ZFYVE9: variants seen among roughly 807,000 people sequenced by gnomAD.
ZFYVE9 encodes the protein zinc finger FYVE-type containing 9, also known as zinc finger FYVE domain-containing protein 9.
Under a neutral mutation model 126.7 loss-of-function variants are expected in ZFYVE9, and 43 were observed. The ratio of observed to expected loss-of-function variants is 0.34; its 90% confidence interval spans 0.27 to 0.44. The LOEUF (loss-of-function observed/expected upper bound fraction) is 0.44. ZFYVE9 is among the 20% of genes least tolerant of loss of function. The probability of loss-of-function intolerance (pLI) is 1.00; values close to 1 mark genes in which losing one functional copy is unlikely to be tolerated. For missense variants in ZFYVE9, 1,476 were observed against 1,697.0 expected (o/e 0.87, Z 2.29); for synonymous variants, 521 against 597.4 (o/e 0.87, Z 1.87).
At chr1:52,155,273 G>A (rs991731313) in intron 1 of ZFYVE9, among the ~76,000 whole-genome samples, 11 of 136,004 alleles carry the variant, frequency 8.1e-5, no homozygotes, top group African/African-American at 3.1e-4. Flanking sequence ...TCTCGCTGTC[G>A]CCCAGGCTGG....
intron 1 of ZFYVE9, among the ~76,000 whole-genome samples, chr1:52,157,084 G>A (rs558305594): frequency 4.1e-4 from 63 of 152,128 alleles, no homozygotes; most frequent in African/African-American, 5.3e-4. Context: ...CGCCTGCCTC[G>A]GCCTCCGAAA....
intron 10 of ZFYVE9, among the ~76,000 whole-genome samples, chr1:52,285,672 A>G (rs1297048021): frequency 6.6e-6 from 1 of 152,146 alleles, no homozygotes; most frequent in Non-Finnish European, 1.5e-5. Context: ...GATCCCACTG[A>G]TTCTACATTA....
chr1:52,307,436 C>G (rs1208022575), intron 13 of ZFYVE9, among the ~76,000 whole-genome samples: 2 of 152,066 alleles, frequency 1.3e-5, no homozygotes, highest in East Asian at 3.9e-4. Context: ...AGGATTTCAC[C>G]CTGTTGGCCA....
chr1:52,334,822 A>G, intron 15 of ZFYVE9, 54 bp downstream of exon 15: 1 of 1,557,222 alleles, frequency 6.4e-7, no homozygotes, highest in Non-Finnish European at 8.8e-7. Context: ...ATGTACATAA[A>G]GGGAATCCTT....
intron 7 of ZFYVE9, among the ~76,000 whole-genome samples, chr1:52,272,671 A>ATT (rs1645704660): frequency 7.4e-6 from 1 of 134,850 alleles, no homozygotes; most frequent in African/African-American, 3.3e-5. Flanking sequence ...GCTAGAAATA[A>ATT]TCTTTTTTTT....
intron 9 of ZFYVE9, among the ~76,000 whole-genome samples, chr1:52,279,188 A>G (rs1361300046): frequency 6.6e-6 from 1 of 152,164 alleles, no homozygotes; most frequent in East Asian, 1.9e-4. Context: ...AGCCAAACAA[A>G]TCTTGAACTT....
In ZFYVE9 at chr1:52,238,950, C is replaced by G. The variant is rs781113510; in HGVS notation, c.1533C>G (p.Ser511Arg). Reference sequence around the variant, plus strand: ...CAGAAGAAAAAGAAATAGAGGAAAGCAAGTCAGAATGCTACTCAAATATTT... The same window carrying G: ...CAGAAGAAAAAGAAATAGAGGAAAGGAAGTCAGAATGCTACTCAAATATTT... ...SVTEEKEIEE[S>R]KSECYSNIYE... is the part of the protein sequence containing the mutation. Residue 511 changes from serine (S) to arginine (R), a missense_variant, in exon 4 of 19, where the codon AGC becomes AGG. Ser to Arg is a moderately radical substitution (Grantham distance 110). Transcript: ENST00000287727. The G allele has an allele frequency of 1.2e-6, 2 of 1,613,990 alleles. No homozygotes were observed. Among genetic ancestry groups the G allele is most frequent in the Non-Finnish European group, 1.7e-6 (2 of 1,179,986 alleles).
At chr1:52,250,354 G>T (rs1645432120) in intron 4 of ZFYVE9, among the ~76,000 whole-genome samples, 1 of 151,922 alleles carries the variant, frequency 6.6e-6, no homozygotes, top group Non-Finnish European at 1.5e-5. Context: ...TTAATTTCTA[G>T]GTATTTTATT....
chr1:52,262,135 A>G lies in ZFYVE9; in HGVS notation c.2179-1638A>G, dbSNP rs535445950. Among the ~76,000 whole-genome samples the G allele has an allele frequency of 5.9e-5, 9 of 152,326 alleles. No individual in the cohort carries two copies. In the South Asian group the frequency reaches 1.9e-3, roughly 32 times the overall value. On this transcript the variant is annotated intron_variant, in intron 4 of 18. Transcript: ENST00000287727. ...AGATCAAGGCAACGGTAGATTTGGT[A>G]TCTGGCGAGGGCCTGCTTACTTATA...
intron 2 of ZFYVE9, among the ~76,000 whole-genome samples, chr1:52,226,362 C>G (rs12090323): frequency 0.036 from 5,546 of 152,096 alleles, 253 homozygotes; most frequent in African/African-American, 0.11. Context: ...GTGGTGAAAC[C>G]CCATCTCTAC....
intron 4 of ZFYVE9, among the ~76,000 whole-genome samples, chr1:52,245,648 A>G (rs1027353216): frequency 6.6e-6 from 1 of 152,224 alleles, no homozygotes; most frequent in African/African-American, 2.4e-5. Context: ...TTTGACTTCT[A>G]GAACCAAAAG....
chr1:52,230,439 G>C (rs534965649), intron 2 of ZFYVE9, among the ~76,000 whole-genome samples: 4 of 151,478 alleles, frequency 2.6e-5, no homozygotes, highest in Admixed American at 2.6e-4. Flanking sequence ...ATCGTACTTA[G>C]AGGATGAGTC....
At chr1:52,194,574 T>C (rs1291984265) in intron 1 of ZFYVE9, among the ~76,000 whole-genome samples, 1 of 152,190 alleles carries the variant, frequency 6.6e-6, no homozygotes, top group Non-Finnish European at 1.5e-5. Flanking sequence ...TGGTAAAAGA[T>C]TGATTTTATT....
At chr1:52,219,752 TGTGTG>T (rs1557463650) in intron 2 of ZFYVE9, among the ~76,000 whole-genome samples, 4 of 28,684 alleles carry the variant, frequency 1.4e-4, no homozygotes, top group African/African-American at 5.0e-4. Flanking sequence ...AGATCTTTTG[TGTGTG>T]TGTGTGTGTG....
At position 52,337,756 on chromosome 1, in the gene ZFYVE9, T is replaced by C; in HGVS notation, c.3671-16T>C. On this transcript the variant is annotated splice_polypyrimidine_tract_variant and intron_variant, in intron 15 of 18. Coordinates refer to ENST00000287727, the MANE Select transcript of ZFYVE9 (RefSeq NM_004799.4). ...TGTTTCATTTGCCTCTCCTTTGGCT[T>C]TGTACTGATTCTTAGATGGTGTTAT... The C allele has an allele frequency of 1.2e-6, 2 of 1,613,030 alleles. No individual in the cohort carries two copies. The highest frequency in any genetic ancestry group is 1.7e-6 in the Non-Finnish European group (2 of 1,179,160).
At chr1:52,323,963 A>G (rs985999929) in intron 13 of ZFYVE9, among the ~76,000 whole-genome samples, 1 of 150,430 alleles carries the variant, frequency 6.6e-6, no homozygotes, top group Non-Finnish European at 1.5e-5. Context: ...AGAGGCTGAG[A>G]CAGGAGAATT....
chr1:52,171,843 G>C (rs911130048), intron 1 of ZFYVE9, among the ~76,000 whole-genome samples: 3 of 152,042 alleles, frequency 2.0e-5, no homozygotes, highest in African/African-American at 7.2e-5. Context: ...TTTTTGATGG[G>C]GTTGTTTGTT....
At chr1:52,344,629 C>T in intron 17 of ZFYVE9, 139 bp from the exon 18 acceptor site, 2 of 827,502 alleles carry the variant, frequency 2.4e-6, no homozygotes, top group South Asian at 2.2e-5. Flanking sequence ...TTTTCCTGGA[C>T]CAGGGACTTT....
intron 1 of ZFYVE9, among the ~76,000 whole-genome samples, chr1:52,181,185 T>G (rs1644698186): frequency 6.6e-6 from 1 of 152,094 alleles, no homozygotes; most frequent in Non-Finnish European, 1.5e-5. Flanking sequence ...CCTCCCTGCC[T>G]GATTCTCCTG....
Sources: allele counts gnomAD v4.1 joint callset (sites outside exome capture counted in the v4.1 genomes callset), GRCh38; gene constraint gnomAD v4.1.1; transcripts MANE v1.5; gene names NCBI Gene and HGNC (gene_info 2026-07-23, HGNC 2026-07-21).